Variants in RBFOX1 observed in about 807,000 individuals in gnomAD.
RBFOX1 encodes the protein RNA binding fox-1 homolog 1, also known as RNA binding protein fox-1 homolog 1.
In RBFOX1, 8 loss-of-function variants were observed where a neutral mutation model predicts 57.7. That is an observed-to-expected ratio of 0.14 (90% CI 0.08 to 0.25). The LOEUF (loss-of-function observed/expected upper bound fraction) is 0.25, where lower values mean the gene tolerates loss of function less well. RBFOX1 is among the 10% of genes least tolerant of loss of function. RBFOX1 has a pLI of 1.00. For synonymous variants in RBFOX1, 326 were observed against 222.4 expected (o/e 1.47, Z -4.15); for missense variants, 611 against 548.5 (o/e 1.11, Z -1.14).
At chr16:7,704,273 A>G (rs973172472) in intron 14 of RBFOX1, among the ~76,000 whole-genome samples, 3 of 152,234 alleles carry the variant, frequency 2.0e-5, no homozygotes, top group Non-Finnish European at 4.4e-5. Context: ...GCCATGGTGA[A>G]TTAGCCAGGA....
At chr16:5,566,125 C>CT (rs1257552924) in intron 2 of RBFOX1, among the ~76,000 whole-genome samples, 1 of 152,058 alleles carries the variant, frequency 6.6e-6, no homozygotes, top group Non-Finnish European at 1.5e-5. Context: ...TCCATTAAAC[C>CT]TTTTTTTCTT....
At chr16:5,476,182 A>C (rs1381951377) in intron 2 of RBFOX1, among the ~76,000 whole-genome samples, 3 of 152,212 alleles carry the variant, frequency 2.0e-5, no homozygotes, top group African/African-American at 7.2e-5. Context: ...ATGCAGAATC[A>C]GGCAATGCAT....
intron 1 of RBFOX1, among the ~76,000 whole-genome samples, chr16:6,060,721 C>T (rs924830517): frequency 6.6e-6 from 1 of 152,170 alleles, no homozygotes; most frequent in African/African-American, 2.4e-5. Context: ...AGAGCTGTTT[C>T]CCAGGATTCA....
At chr16:5,979,191 G>A (rs577474362) in intron 4 of RBFOX1, among the ~76,000 whole-genome samples, 1 of 152,280 alleles carries the variant, frequency 6.6e-6, no homozygotes, top group Non-Finnish European at 1.5e-5. Flanking sequence ...GGATGCCCCT[G>A]CTCACCTGGT....
intron 1 of RBFOX1, among the ~76,000 whole-genome samples, chr16:5,449,661 A>G (rs923138175): frequency 6.6e-6 from 1 of 152,116 alleles, no homozygotes; most frequent in African/African-American, 2.4e-5. Context: ...CCAGGATGAG[A>G]ACAGTGGCAC....
intron 2 of RBFOX1, among the ~76,000 whole-genome samples, chr16:5,468,117 A>G (rs1053747685): frequency 1.3e-5 from 2 of 152,168 alleles, no homozygotes; most frequent in South Asian, 4.1e-4. Context: ...ACCCTTCCCC[A>G]GGTTCCTACT....
chr16:6,964,137 C>G (rs1057420074), intron 3 of RBFOX1, among the ~76,000 whole-genome samples: 3 of 152,140 alleles, frequency 2.0e-5, no homozygotes, highest in East Asian at 1.9e-4. Context: ...CCTGCCTCAG[C>G]CTCCCAAGTA....
At chr16:7,017,410 C>A (rs1308905949) in intron 3 of RBFOX1, among the ~76,000 whole-genome samples, 3 of 152,148 alleles carry the variant, frequency 2.0e-5, no homozygotes, top group African/African-American at 7.2e-5. Flanking sequence ...AAAATGCCAT[C>A]AGAGAATGAG....
chr16:5,908,036 C>T (rs2058503707), intron 4 of RBFOX1, among the ~76,000 whole-genome samples: 1 of 149,846 alleles, frequency 6.7e-6, no homozygotes, highest in African/African-American at 2.5e-5. Context: ...CAGGCATGAG[C>T]CATAGCACCT....
intron 4 of RBFOX1, among the ~76,000 whole-genome samples, chr16:5,973,126 A>G (rs143508124): frequency 9.7e-4 from 148 of 152,304 alleles, no homozygotes; most frequent in African/African-American, 2.8e-3. Context: ...ATAATATTCT[A>G]TTCTACCTTA....
At chr16:7,113,605 G>C (rs1012613621) in intron 4 of RBFOX1, among the ~76,000 whole-genome samples, 1 of 152,184 alleles carries the variant, frequency 6.6e-6, no homozygotes, top group Admixed American at 6.5e-5. Context: ...AAATTATTAT[G>C]TTAGCATAGA....
chr16:7,564,062 G>T (rs1158730249), intron 5 of RBFOX1, among the ~76,000 whole-genome samples: 1 of 152,134 alleles, frequency 6.6e-6, no homozygotes. Flanking sequence ...GGACTGAATT[G>T]TGTCCCCTAC....
chr16:7,143,467 G>A lies in RBFOX1; in HGVS notation c.27+91369G>A, dbSNP rs182647353. 3.0e-4 allele frequency among the ~76,000 whole-genome samples: 45 copies of A among 152,162 alleles called. No homozygotes were observed. The East Asian group carries it at 7.7e-3, about 26-fold the overall frequency. On this transcript the variant is annotated intron_variant, in intron 4 of 15. Transcript: ENST00000550418. ...GCCTCAGTAATTTAGAATCTGTCTG[G>A]AGTCAAGCAGAAAATTAGCCATATT... is the stretch of plus-strand genomic sequence containing the variant.
intron 3 of RBFOX1, among the ~76,000 whole-genome samples, chr16:6,921,934 C>T (rs1397950871): frequency 6.6e-6 from 1 of 152,104 alleles, no homozygotes. Context: ...CATTGGCAGT[C>T]ACCTTAGCTT....
At chr16:6,993,103 T>A (rs2091762375) in intron 3 of RBFOX1, among the ~76,000 whole-genome samples, 1 of 152,204 alleles carries the variant, frequency 6.6e-6, no homozygotes, top group Non-Finnish European at 1.5e-5. Context: ...ACTGCATTCA[T>A]CTTTGGTTCT....
chr16:7,531,170 C>T (rs888886307), intron 5 of RBFOX1, among the ~76,000 whole-genome samples: 1 of 152,166 alleles, frequency 6.6e-6, no homozygotes, highest in Non-Finnish European at 1.5e-5. Context: ...GCAAATCATA[C>T]AATCCAAACA....
chr16:7,705,283 G>A (rs1325445374), intron 14 of RBFOX1, among the ~76,000 whole-genome samples: 5 of 152,076 alleles, frequency 3.3e-5, no homozygotes, highest in Admixed American at 6.5e-5. Context: ...GAGGCAGGAG[G>A]ATCACGAGGT....
Position 5,946,550 on chromosome 16 carries a change from C to A in RBFOX1, c.351+79215C>A, listed in dbSNP as rs994757753. On this transcript the variant is annotated intron_variant, in intron 4 of 19. Coordinates refer to the RBFOX1 transcript ENST00000641259. The surrounding 1 kb of genome is among the most constrained non-coding windows in gnomAD (Gnocchi z 4.6). ...GCCCTTCCCCGTATCTCACTCTATG[C>A]ATATTTTTTTCCAACTGGGTGTTCC... Among the ~76,000 whole-genome samples the A allele has an allele frequency of 2.3e-5, 3 of 131,186 alleles. No individual in the cohort carries two copies. Among genetic ancestry groups the A allele is most frequent in the Non-Finnish European group, 5.3e-5 (3 of 56,114 alleles). 86.1% of individuals were successfully genotyped at this position (131,186 alleles called of 152,430 possible).
At chr16:6,861,154 T>TA (rs1350626848) in intron 3 of RBFOX1, among the ~76,000 whole-genome samples, 1 of 152,160 alleles carries the variant, frequency 6.6e-6, no homozygotes, top group African/African-American at 2.4e-5. Flanking sequence ...CCGTATTTTT[T>TA]ATATGTCTCA....
Sources: allele counts gnomAD v4.1 joint callset (sites outside exome capture counted in the v4.1 genomes callset), GRCh38; gene constraint gnomAD v4.1.1; non-coding constraint Gnocchi (gnomAD v3.1); transcripts MANE v1.5; gene names NCBI Gene and HGNC (gene_info 2026-07-23, HGNC 2026-07-21).